Variants in NAA60 observed in about 807,000 individuals in gnomAD.
NAA60 encodes the protein N-alpha-acetyltransferase 60, NatF catalytic subunit.
A neutral mutation model predicts 26.1 loss-of-function variants in NAA60; 8 were observed. That is an observed-to-expected ratio of 0.31 (90% CI 0.18 to 0.55). The LOEUF (loss-of-function observed/expected upper bound fraction) is 0.55. NAA60 is among the 20% of genes least tolerant of loss of function. The pLI is 0.93. For synonymous variants in NAA60, 131 were observed against 122.5 expected, an observed-to-expected ratio of 1.07 and a Z score of -0.46; for missense variants, 290 against 311.3, an observed-to-expected ratio of 0.93 and a Z score of 0.51.
chr16:3,471,426 C>G (rs923798180), intron 2 of NAA60, among the ~76,000 whole-genome samples: 5 of 152,074 alleles, frequency 3.3e-5, no homozygotes, highest in African/African-American at 1.2e-4. Context: ...TGGCGTGAAC[C>G]CGGGAGGCGG....
chr16:3,465,139 C>T (rs1273574246), intron 2 of NAA60, among the ~76,000 whole-genome samples: 2 of 151,894 alleles, frequency 1.3e-5, no homozygotes, highest in South Asian at 2.1e-4. Context: ...TGGTGGCGGG[C>T]GCCTGTAGCC....
chr16:3,447,166 C>A (rs1360704318), intron 1 of NAA60, among the ~76,000 whole-genome samples: 4 of 152,102 alleles, frequency 2.6e-5, no homozygotes, highest in African/African-American at 9.7e-5. Context: ...ATATCTTTTC[C>A]CTAGTGATTT....
chr16:3,481,442 C>T (rs1454168178), intron 4 of NAA60, among the ~76,000 whole-genome samples: 1 of 152,144 alleles, frequency 6.6e-6, no homozygotes, highest in East Asian at 1.9e-4. Flanking sequence ...ACTCATTCCC[C>T]TGAACCCCAT....
intron 2 of NAA60, among the ~76,000 whole-genome samples, chr16:3,457,285 A>G (rs186139825): frequency 0.013 from 2,029 of 150,988 alleles, 25 homozygotes; most frequent in South Asian, 0.021. Context: ...CATCCCTACA[A>G]AAAAACAAAA....
At chr16:3,462,133 G>A (rs565119888) in intron 2 of NAA60, among the ~76,000 whole-genome samples, 1 of 141,822 alleles carries the variant, frequency 7.1e-6, no homozygotes, top group East Asian at 2.1e-4. Flanking sequence ...TTGTGGTATA[G>A]TTACTGTTAT....
At chr16:3,451,417 G>A (rs764637132) in intron 2 of NAA60, among the ~76,000 whole-genome samples, 1 of 152,020 alleles carries the variant, frequency 6.6e-6, no homozygotes, top group Non-Finnish European at 1.5e-5. Flanking sequence ...ATTTACCACA[G>A]GCATGCATTA....
intron 2 of NAA60, chr16:3,468,023 C>T (rs543802171): frequency 6.6e-6 from 1 of 152,144 alleles, no homozygotes; most frequent in South Asian, 2.1e-4. Flanking sequence ...TGGTGCATGC[C>T]CTATGTAAAT....
At chr16:3,455,644 C>G (rs1460743865) in intron 2 of NAA60, among the ~76,000 whole-genome samples, 1 of 150,630 alleles carries the variant, frequency 6.6e-6, no homozygotes, top group Non-Finnish European at 1.5e-5. Flanking sequence ...ATCCGCCTGC[C>G]TTGGCCTCCC....
chr16:3,484,429 C>T (rs576771752), intron 6 of NAA60: 9 of 536,054 alleles, frequency 1.7e-5, no homozygotes, highest in South Asian at 7.2e-5. Context: ...CCCCACCCCC[C>T]GTGCATCCCT....
At chr16:3,473,707 T>TTG (rs2036294020) in intron 2 of NAA60, among the ~76,000 whole-genome samples, 5 of 145,910 alleles carry the variant, frequency 3.4e-5, no homozygotes, top group African/African-American at 8.0e-5. Context: ...GCCCCAGCTT[T>TTG]TTGTTGTTGT....
At position 3,445,274 on chromosome 16, in the gene NAA60, C is replaced by CTTTTTTTTTTTTTTTTTTTTTTTTTTT. The variant is rs1452284919; in HGVS notation, c.-77+1438_-77+1439insTTTTTTTTTTTTTTTTTTTTTTTTTTT. Among the ~76,000 whole-genome samples, 2 of 125,532 alleles carry CTTTTTTTTTTTTTTTTTTTTTTTTTTT rather than the reference C, an allele frequency of 1.6e-5. 1 individual carries two copies. The allele number at this position is 125,532 out of a possible 152,430, so 82.4% of individuals were successfully genotyped here. On this transcript the variant is annotated intron_variant, in intron 1 of 7. Coordinates refer to ENST00000407558, the MANE Select transcript of NAA60 (RefSeq NM_001083601.3). Reference sequence around the variant, plus strand: ...CTTTCCCTTCTTGGTTTGTGCTTATCTCTTTTTTTTTTTTTTTTTTGAGAC... The same window carrying CTTTTTTTTTTTTTTTTTTTTTTTTTTT: ...CTTTCCCTTCTTGGTTTGTGCTTATCTTTTTTTTTTTTTTTTTTTTTTTTTTTTCTTTTTTTTTTTTTTTTTTGAGAC...
rs552779203 is a variant in NAA60 at position 3,480,454 on chromosome 16, G to A, written c.240+854G>A. ...TCTACTAAAAATACAAAAATTAGCCGGGCGTGGTGGCAGGCGCCTATAATC... is the reference window on the plus strand; with the variant it reads ...TCTACTAAAAATACAAAAATTAGCCAGGCGTGGTGGCAGGCGCCTATAATC... On this transcript the variant is annotated intron_variant, in intron 4 of 7. Transcript: ENST00000407558. 8.6e-5 allele frequency among the ~76,000 whole-genome samples: 13 copies of A among 151,750 alleles called. No homozygotes were observed. The East Asian group carries it at 1.6e-3, about 18-fold the overall frequency.
In NAA60 at chr16:3,479,519, T is replaced by C; in HGVS notation, c.159T>C (p.Phe53=). 1 of 1,614,082 alleles carries C rather than the reference T, an allele frequency of 6.2e-7. No homozygotes were observed. The highest frequency in any genetic ancestry group is 8.5e-7 in the Non-Finnish European group (1 of 1,179,900). ...YRDITSNKKF[F]SLAATYRGAI... ...ATATCACATCCAACAAGAAGTTCTT[T>C]TCCCTTGCTGCAACCTACAGAGGTG... Residue 53 remains phenylalanine (F), a synonymous_variant, in exon 4 of 8, where the codon TTT becomes TTC. Transcript: ENST00000407558.
In NAA60 at chr16:3,484,826, A is replaced by C. The variant is rs1201979918; in HGVS notation, c.700A>C (p.Ser234Arg). ...FLPWSGISSK[S>R]GIEYSRTM The stretch of plus-strand genomic sequence containing the variant: ...GCCATGGTCGGGCATCTCTTCCAAG[A>C]GTGGCATCGAGTACAGCCGGACCAT... Residue 234 changes from serine (S) to arginine (R), a missense_variant, in exon 7 of 8, where the codon AGT becomes CGT. Coordinates refer to ENST00000407558, the MANE Select transcript of NAA60 (RefSeq NM_001083601.3). The C allele has an allele frequency of 1.9e-6, 3 of 1,568,398 alleles. No individual in the cohort carries two copies. The highest frequency in any genetic ancestry group is 2.6e-6 in the Non-Finnish European group (3 of 1,157,610).
At chr16:3,481,126 CT>C (rs1004794260) in intron 4 of NAA60, among the ~76,000 whole-genome samples, 18 of 147,686 alleles carry the variant, frequency 1.2e-4, no homozygotes, top group South Asian at 8.7e-4. Flanking sequence ...TTTCTCTCCT[CT>C]TTTTTTTTTA....
intron 2 of NAA60, among the ~76,000 whole-genome samples, chr16:3,458,645 C>T (rs938101164): frequency 1.3e-5 from 2 of 152,176 alleles, no homozygotes; most frequent in African/African-American, 4.8e-5. Flanking sequence ...CTTGTTGCGC[C>T]GATTGGAGTC....
intron 2 of NAA60, among the ~76,000 whole-genome samples, chr16:3,470,880 C>G (rs2036091123): frequency 6.6e-6 from 1 of 152,242 alleles, no homozygotes; most frequent in East Asian, 1.9e-4. Context: ...ACCTTCCTGC[C>G]TCTTCTCTGC....
intron 2 of NAA60, among the ~76,000 whole-genome samples, chr16:3,459,494 G>A (rs1208102609): frequency 1.3e-5 from 2 of 152,222 alleles, no homozygotes; most frequent in East Asian, 3.8e-4. Context: ...TGCTGTATAA[G>A]TCCCAGTTAT....
intron 2 of NAA60, among the ~76,000 whole-genome samples, chr16:3,472,827 C>G (rs1454497897): frequency 3.9e-5 from 6 of 152,190 alleles, no homozygotes; most frequent in Admixed American, 3.9e-4. Context: ...CTTTTTTGCT[C>G]CAACTAAATT....
Sources: allele counts gnomAD v4.1 joint callset (sites outside exome capture counted in the v4.1 genomes callset), GRCh38; gene constraint gnomAD v4.1.1; transcripts MANE v1.5; gene names NCBI Gene and HGNC (gene_info 2026-07-23, HGNC 2026-07-21).